ACSF3: variants seen among roughly 807,000 people sequenced by gnomAD.
ACSF3 encodes malonate--CoA ligase ACSF3, mitochondrial.
A neutral mutation model predicts 53.2 loss-of-function variants in ACSF3; 78 were observed. That is an observed-to-expected ratio of 1.47 (90% CI 1.22 to 1.77). The LOEUF is 1.77. Ranked by LOEUF, ACSF3 falls within the 40% of genes most tolerant of loss-of-function variation. The pLI is 0.00. For missense variants in ACSF3, 937 were observed against 771.1 expected (o/e 1.22, Z -2.55); for synonymous variants, 414 against 333.1 (o/e 1.24, Z -2.65).
At chr16:89,123,110 C>T (rs931049379) in intron 7 of ACSF3, among the ~76,000 whole-genome samples, 19 of 152,284 alleles carry the variant, frequency 1.2e-4, no homozygotes, top group African/African-American at 4.3e-4. Context: ...ATTTCCAGTT[C>T]AGCCAAGGAG....
At chr16:89,129,545 TTA>T (rs774200500) in intron 7 of ACSF3, among the ~76,000 whole-genome samples, 1 of 152,336 alleles carries the variant, frequency 6.6e-6, no homozygotes, top group East Asian at 1.9e-4. Flanking sequence ...TACAGTTGGA[TTA>T]TGTGTGTTTT....
intron 4 of ACSF3, among the ~76,000 whole-genome samples, chr16:89,105,435 C>G (rs1459712035): frequency 1.3e-5 from 2 of 152,148 alleles, no homozygotes; most frequent in African/African-American, 4.8e-5. Context: ...AGTGAGTTCC[C>G]CGTGAGTGCA....
intron 2 of ACSF3, among the ~76,000 whole-genome samples, chr16:89,099,458 G>A (rs1388545898): frequency 1.3e-5 from 2 of 152,192 alleles, no homozygotes; most frequent in South Asian, 2.1e-4. Flanking sequence ...CCTAAAACAC[G>A]TTTTCTAGCT....
intron 7 of ACSF3, among the ~76,000 whole-genome samples, chr16:89,132,405 G>A (rs1371301205): frequency 6.6e-6 from 1 of 152,182 alleles, no homozygotes; most frequent in Non-Finnish European, 1.5e-5. Context: ...GACCCACCGT[G>A]TCCAGGGCCT....
At chr16:89,120,770 C>A in intron 6 of ACSF3, 31 bp from the exon 7 acceptor site, 1 of 1,601,502 alleles carries the variant, frequency 6.2e-7, no homozygotes, top group South Asian at 1.1e-5. Context: ...CTCACTCCAG[C>A]CTCCCCTTCA....
chr16:89,117,549 G>T (rs1331015079), intron 6 of ACSF3, among the ~76,000 whole-genome samples: 1 of 151,116 alleles, frequency 6.6e-6, no homozygotes, highest in Non-Finnish European at 1.5e-5. Flanking sequence ...CCCGGGGACT[G>T]CTGTCTACAC....
At chr16:89,132,755 C>T (rs2151519453) in intron 7 of ACSF3, among the ~76,000 whole-genome samples, 1 of 152,372 alleles carries the variant, frequency 6.6e-6, no homozygotes, top group South Asian at 2.1e-4. Context: ...GGGATTTGGG[C>T]ACAGGTTTTA....
At chr16:89,126,570 C>T (rs1020006479) in intron 7 of ACSF3, among the ~76,000 whole-genome samples, 6 of 152,116 alleles carry the variant, frequency 3.9e-5, no homozygotes, top group African/African-American at 7.2e-5. Flanking sequence ...CACACAGTCA[C>T]GTTTTTGTTG....
chr16:89,135,288 G>T lies in ACSF3; in HGVS notation c.1366+2026G>T, dbSNP rs549012029. Among the ~76,000 whole-genome samples the T allele has an allele frequency of 8.3e-4, 127 of 152,394 alleles. 4 individuals are homozygous for T. The South Asian group carries it at 0.026, about 31-fold the overall frequency. On this transcript the variant is annotated intron_variant, in intron 8 of 10. Coordinates refer to ENST00000614302, the MANE Select transcript of ACSF3 (RefSeq NM_001243279.3). The stretch of plus-strand genomic sequence containing the variant: ...CGGGATGGGCTCCTTGAGGGATGCT[G>T]GAAGGGGCAATGTTGGCCTGCAGCC...
chr16:89,125,664 C>T (rs1907861575), intron 7 of ACSF3, among the ~76,000 whole-genome samples: 1 of 150,560 alleles, frequency 6.6e-6, no homozygotes, highest in African/African-American at 2.4e-5. Flanking sequence ...GCACTCCAGC[C>T]TGGGCAACAG....
In ACSF3 at chr16:89,132,876, C is replaced by T. The variant is rs375375585; in HGVS notation, c.1240-260C>T. On this transcript the variant is annotated intron_variant, in intron 7 of 10. Transcript: ENST00000614302. ...AGGAGCACGTTCTTCTGTGGCTGTTCTGGGAGGAATGAAAGGACACCCAGC... is the reference window on the plus strand; with the variant it reads ...AGGAGCACGTTCTTCTGTGGCTGTTTTGGGAGGAATGAAAGGACACCCAGC... Among the ~76,000 whole-genome samples the T allele has an allele frequency of 4.6e-3, 707 of 152,386 alleles. 5 individuals are homozygous for T. Among genetic ancestry groups the T allele is most frequent in the African/African-American group, 0.016 (669 of 41,588 alleles).
At chr16:89,134,750 C>G (rs192602079) in intron 8 of ACSF3, among the ~76,000 whole-genome samples, 4 of 151,942 alleles carry the variant, frequency 2.6e-5, no homozygotes, top group Non-Finnish European at 5.9e-5. Flanking sequence ...TTAGTGAGCT[C>G]GCTTTACTAC....
intron 6 of ACSF3, 81 bp downstream of exon 6, chr16:89,114,568 A>G: frequency 6.3e-7 from 1 of 1,583,202 alleles, no homozygotes; most frequent in Non-Finnish European, 8.6e-7. Flanking sequence ...AACCACCCAC[A>G]TTCGGACTGA....
intron 8 of ACSF3, among the ~76,000 whole-genome samples, chr16:89,140,356 T>G (rs1433926517): frequency 6.6e-6 from 1 of 152,150 alleles, no homozygotes; most frequent in Non-Finnish European, 1.5e-5. Flanking sequence ...GTTCCAGGCT[T>G]GGCCTCTCTG....
rs186416866 is a variant in ACSF3, at chr16:89,095,991, C to T, written c.-194+1995C>T. ...TCCCGCTGCGCTGCATGTGTGTTCC[C>T]GAGAAGCCCCAGTGCCTTAGTGGTC... On this transcript the variant is annotated intron_variant, in intron 1 of 10. Coordinates refer to ENST00000614302, the MANE Select transcript of ACSF3 (RefSeq NM_001243279.3). Among the ~76,000 whole-genome samples, 134 of 152,282 alleles carry T rather than the reference C, an allele frequency of 8.8e-4. 1 individual carries two copies. Among genetic ancestry groups the T allele is most frequent in the Admixed American group, 7.4e-3 (113 of 15,292 alleles).
At chr16:89,148,101 G>GTTTTTTTTTTTTTTTT (rs71158780) in intron 10 of ACSF3, 1 of 117,668 alleles carries the variant, frequency 8.5e-6, no homozygotes, top group East Asian at 2.5e-4. Flanking sequence ...TTCTTTTTTG[G>GTTTTTTTTTTTTTTTT]TTTTTTTTTT....
intron 8 of ACSF3, among the ~76,000 whole-genome samples, chr16:89,134,065 AT>A (rs1322664809): frequency 6.6e-6 from 1 of 152,190 alleles, no homozygotes; most frequent in Admixed American, 6.5e-5. Context: ...CGACATTTGG[AT>A]AGTGGACGTA....
In ACSF3 at chr16:89,144,403, C is replaced by T. The variant is rs141798195; in HGVS notation, c.1367-864C>T. 4.9e-3 allele frequency among the ~76,000 whole-genome samples: 747 copies of T among 152,322 alleles called. 6 individuals carry two copies. Among genetic ancestry groups the T allele is most frequent in the African/African-American group, 0.017 (715 of 41,572 alleles). On this transcript the variant is annotated intron_variant, in intron 8 of 10. Coordinates refer to ENST00000614302, the MANE Select transcript of ACSF3 (RefSeq NM_001243279.3). ...TCAGGTGTGGAGGGCACAAGATGGG[C>T]ACCAGCAGGAGGCTCCAGGCACCCA...
At chr16:89,116,479 C>T (rs752681005) in intron 6 of ACSF3, among the ~76,000 whole-genome samples, 3 of 152,246 alleles carry the variant, frequency 2.0e-5, no homozygotes, top group Non-Finnish European at 2.9e-5. Context: ...TGTAGGCTCA[C>T]GCCCCTTTGC....
Sources: gnomAD v4.1 joint callset for allele counts (sites outside exome capture counted in the v4.1 genomes callset) on GRCh38, gnomAD v4.1.1 for gene constraint, MANE v1.5 for transcripts, NCBI Gene and HGNC (gene_info 2026-07-23, HGNC 2026-07-21) for gene names.